Variants in SRPRA observed in about 807,000 individuals in gnomAD.
SRPRA encodes the protein SRP receptor subunit alpha.
SRPRA carries 30 observed loss-of-function variants against 61.1 expected under a neutral mutation model. The ratio of observed to expected loss-of-function variants is 0.49; its 90% confidence interval spans 0.37 to 0.67. SRPRA has a LOEUF of 0.67. Ranked by LOEUF, SRPRA falls within the 30% of genes least tolerant of loss-of-function variation. The pLI is 0.00. For synonymous variants in SRPRA, 324 were observed against 299.7 expected, an observed-to-expected ratio of 1.08 and a Z score of -0.84; for missense variants, 759 against 828.4, an observed-to-expected ratio of 0.92 and a Z score of 1.03.
rs1045445059 is a variant in SRPRA at position 126,264,118 on chromosome 11, G to A, written c.1788+73C>T. 3.7e-5 allele frequency: 60 copies of A among 1,612,244 alleles called. No individual in the cohort carries two copies. The Middle Eastern group carries it at 1.2e-3, about 31-fold the overall frequency. On this transcript the variant is annotated intron_variant, in intron 13 of 13. Coordinates refer to ENST00000332118, the MANE Select transcript of SRPRA (RefSeq NM_003139.4). This position sits in a 1 kb window ranked among gnomAD's most constrained non-coding sequence, Gnocchi z 5.0. ...CACCCTCTCAGGAACAGGAAGCGCT[G>A]GAGCCAAGATTTCCTTGCAGCCTCA...
Position 126,265,915 on chromosome 11 carries a change from A to G in SRPRA, c.1051+48T>C. ...GAAACGCTAGGTGATTCTGCTCTCA[A>G]CTACCCCTATCCCGCGAGTATGAGT... On this transcript the variant is annotated intron_variant, in intron 8 of 13. Transcript: ENST00000332118. This position sits in a 1 kb window ranked among gnomAD's most constrained non-coding sequence, Gnocchi z 6.3. 3 of 1,610,890 alleles carry G rather than the reference A, an allele frequency of 1.9e-6. No individual in the cohort carries two copies. Among genetic ancestry groups the G allele is most frequent in the East Asian group, 2.2e-5 (1 of 44,872 alleles).
rs1950831624 is a variant in SRPRA at position 126,267,273 on chromosome 11, T to C, written c.428A>G (p.Glu143Gly). The C allele has an allele frequency of 1.9e-6, 3 of 1,614,074 alleles. No individual in the cohort carries two copies. The African/African-American group carries it at 4.0e-5, about 22-fold the overall frequency. ...GGACCTCACAGGTTTCTTGGCCTTT[T>C]CAGAATCTTCAAATTTCTTCATGGT... Reference protein sequence around the residue: ...PTTMKKFEDSEKAKKPVRSMI... With the variant: ...PTTMKKFEDSGKAKKPVRSMI... Residue 143 changes from glutamate to glycine, a missense_variant, in exon 4 of 14, where the codon GAA (glutamate) becomes GGA (glycine). Around this residue, in one of 2 missense-constraint regions of SRPRA, gnomAD observed 475 missense variants for 462.5 expected, o/e 1.03. Transcript: ENST00000332118. This position sits in a 1 kb window ranked among gnomAD's most constrained non-coding sequence, Gnocchi z 4.2.
At chr11:126,243,874 A>G in the SRPRA span, among the ~76,000 whole-genome samples, 1 of 151,024 alleles carries the variant, frequency 6.6e-6, no homozygotes, top group African/African-American at 2.4e-5. Flanking sequence ...ACTGCACTAC[A>G]GCCTGGACGA....
chr11:126,266,979 A>G (rs1950822248), intron 4 of SRPRA, 57 bp from the exon 5 acceptor site: 2 of 1,580,756 alleles, frequency 1.3e-6, no homozygotes, highest in Non-Finnish European at 1.7e-6. Flanking sequence ...CCACTAGACA[A>G]TGGCTAAAAG....
At position 126,266,610 on chromosome 11, in the gene SRPRA, C is replaced by CA; in HGVS notation, c.705dup (p.Ala236CysfsTer20). Reference sequence around the variant, plus strand: ...GCTTTTTTGCCCTTCTCCTTTGGAGCATCTGACTTCGTGGACTTGCTGCAA... The same window carrying CA: ...GCTTTTTTGCCCTTCTCCTTTGGAGCAATCTGACTTCGTGGACTTGCTGCAA... On this transcript the variant is annotated frameshift_variant, in exon 6 of 14. Transcript: ENST00000332118. LOFTEE classifies it high-confidence loss of function. 6.2e-7 allele frequency: 1 copy of CA among 1,613,964 alleles called. No homozygotes were observed. Among genetic ancestry groups the CA allele is most frequent in the East Asian group, 2.2e-5 (1 of 44,876 alleles).
rs201434377 is a variant in SRPRA, at chr11:126,267,380, G to A, written c.366-45C>T. The stretch of plus-strand genomic sequence containing the variant: ...GTTTATCTTTCTACCCCATGCAGAA[G>A]GAAAAATAACGGTCCAGAGAAAGGA... On this transcript the variant is annotated intron_variant, in intron 3 of 13. Coordinates refer to ENST00000332118, the MANE Select transcript of SRPRA (RefSeq NM_003139.4). The surrounding 1 kb of genome is among the most constrained non-coding windows in gnomAD (Gnocchi z 4.2). The A allele has an allele frequency of 1.4e-4, 230 of 1,604,570 alleles. 1 individual carries two copies. The African/African-American group carries it at 2.8e-3, about 19-fold the overall frequency.
chr11:126,262,658 C>G (rs1443807144), downstream of SRPRA: 1 of 152,928 alleles, frequency 6.5e-6, no homozygotes. Context: ...TTGCCAGGAC[C>G]CTGGCTCTAC....
In SRPRA at chr11:126,266,879, T is replaced by C; in HGVS notation, c.570A>G (p.Glu190=). The C allele has an allele frequency of 6.2e-7, 1 of 1,614,202 alleles. No homozygotes were observed. The highest frequency in any genetic ancestry group is 8.5e-7 in the Non-Finnish European group (1 of 1,180,040). ...CAGGACCCACTGGAAGACCTGACTT[T>C]TCTGCAGGGACTGGTTTGCTGGTAG... ...PLATSKPVPA[E]KSGLPVGPEN... is the part of the protein sequence containing the mutation. Residue 190 remains glutamate, a synonymous_variant, in exon 5 of 14, where the codon GAA becomes GAG. Coordinates refer to ENST00000332118, the MANE Select transcript of SRPRA (RefSeq NM_003139.4).
At chr11:126,266,307 T>C (rs1306502528) in intron 6 of SRPRA, 29 bp from the exon 7 acceptor site, 49 of 1,610,914 alleles carry the variant, frequency 3.0e-5, no homozygotes, top group Non-Finnish European at 4.0e-5. Flanking sequence ...GGATGTGGGG[T>C]CAGGAACACT....
chr11:126,263,800 A>G lies in SRPRA; in HGVS notation c.*116T>C. 2.1e-6 allele frequency: 3 copies of G among 1,432,182 alleles called. No individual in the cohort carries two copies. Among genetic ancestry groups the G allele is most frequent in the Non-Finnish European group, 2.8e-6 (3 of 1,061,072 alleles). The allele number at this position is 1,432,182 out of a possible 1,614,324, so 88.7% of individuals were successfully genotyped here. On this transcript the variant is annotated 3_prime_UTR_variant, in exon 14 of 14. Transcript: ENST00000332118. ...GTTGGAAGGAGCCACAAGCCCCCTCACTCTGCCTTTGTACTACACTGAAGA... is the reference window on the plus strand; with the variant it reads ...GTTGGAAGGAGCCACAAGCCCCCTCGCTCTGCCTTTGTACTACACTGAAGA...
chr11:126,237,472 A>C, the SRPRA span, among the ~76,000 whole-genome samples: 1 of 142,372 alleles, frequency 7.0e-6, no homozygotes, highest in African/African-American at 2.6e-5. Context: ...TCCTGACCTC[A>C]AGTGATCCAC....
At chr11:126,259,262 A>G (rs1391779912), downstream of SRPRA, among the ~76,000 whole-genome samples, 2 of 152,168 alleles carry the variant, frequency 1.3e-5, no homozygotes, top group Admixed American at 1.3e-4. Context: ...AACCTTTGCT[A>G]TGTGCCTGGC....
At chr11:126,247,270 G>A in the SRPRA span, among the ~76,000 whole-genome samples, 1 of 152,138 alleles carries the variant, frequency 6.6e-6, no homozygotes, top group African/African-American at 2.4e-5. Flanking sequence ...CCAGCTTGGT[G>A]ACAGAGCCAG....
rs1417892264 is a variant in SRPRA, at chr11:126,263,087, A to G, written c.*829T>C. ...GTGTTCTTCAATGTAGCACTTGTCT[A>G]CCAGGCACTGTAGAGGGGAGTGATG... On this transcript the variant is annotated 3_prime_UTR_variant, in exon 14 of 14. Transcript: ENST00000332118. 1 of 152,670 alleles carries G rather than the reference A, an allele frequency of 6.6e-6. No individual in the cohort carries two copies. 9.5% of individuals were successfully genotyped at this position (152,670 alleles called of 1,614,324 possible). A position where few individuals can be genotyped will look rare whatever the true frequency, so the allele number is the denominator to read the frequency against.
At chr11:126,252,329 C>A in the SRPRA span, among the ~76,000 whole-genome samples, 1 of 152,180 alleles carries the variant, frequency 6.6e-6, no homozygotes, top group African/African-American at 2.4e-5. The surrounding 1 kb of genome is among the most constrained non-coding windows in gnomAD (Gnocchi z 4.7). Context: ...GACTGTTTAC[C>A]CCATAGGAAT....
chr11:126,247,931 A>T, the SRPRA span, among the ~76,000 whole-genome samples: 1 of 147,256 alleles, frequency 6.8e-6, no homozygotes, highest in Non-Finnish European at 1.5e-5. Flanking sequence ...GTATATCTAT[A>T]TATATATTTT....
chr11:126,259,475 G>A (rs944012266), downstream of SRPRA, among the ~76,000 whole-genome samples: 2 of 148,990 alleles, frequency 1.3e-5, no homozygotes, highest in African/African-American at 4.9e-5. Flanking sequence ...CGCCAGGCTG[G>A]AGTGCAGTGG....
chr11:126,260,043 T>C (rs1436857161), downstream of SRPRA, among the ~76,000 whole-genome samples: 1 of 152,076 alleles, frequency 6.6e-6, no homozygotes, highest in Non-Finnish European at 1.5e-5. Flanking sequence ...TTATTATTAC[T>C]ATTTTTGATA....
At chr11:126,268,662 G>A in intron 1 of SRPRA, 26 bp downstream of exon 1, 3 of 1,589,488 alleles carry the variant, frequency 1.9e-6, no homozygotes, top group South Asian at 2.2e-5. Context: ...GAAGAGCCTG[G>A]AGTTCTGATC....
Sources: allele counts gnomAD v4.1 joint callset (sites outside exome capture counted in the v4.1 genomes callset), GRCh38; gene constraint gnomAD v4.1.1; regional missense constraint gnomAD v4.1.1; non-coding constraint Gnocchi (gnomAD v3.1); transcripts MANE v1.5; gene names NCBI Gene and HGNC (gene_info 2026-07-23, HGNC 2026-07-21).